USPL1: variants seen among roughly 807,000 people sequenced by gnomAD.
The protein encoded by USPL1 is SUMO-specific isopeptidase USPL1.
A neutral mutation model predicts 51.5 loss-of-function variants in USPL1; 27 were observed. The observed-to-expected ratio is 0.52, with a 90% CI of 0.39 to 0.72. The LOEUF (loss-of-function observed/expected upper bound fraction) is 0.72. USPL1 is among the 30% of genes least tolerant of loss of function. The pLI is 0.00. For synonymous variants in USPL1, 451 were observed against 459.6 expected (o/e 0.98, Z 0.24); for missense variants, 1,226 against 1,268.0 (o/e 0.97, Z 0.50).
chr13:30,651,436 T>A (rs1360050824), intron 7 of USPL1, among the ~76,000 whole-genome samples: 2 of 152,190 alleles, frequency 1.3e-5, no homozygotes, highest in African/African-American at 4.8e-5. Context: ...TTTTATTAAT[T>A]TGCAAAAGAA....
intron 7 of USPL1, among the ~76,000 whole-genome samples, chr13:30,650,963 T>C (rs1951083288): frequency 6.7e-6 from 1 of 149,516 alleles, no homozygotes; most frequent in African/African-American, 2.5e-5. Context: ...CACTCCAACT[T>C]GGACAACAGA....
At chr13:30,642,834 A>T (rs889367327) in intron 6 of USPL1, 77 bp downstream of exon 6, 2 of 1,518,080 alleles carry the variant, frequency 1.3e-6, no homozygotes, top group African/African-American at 2.8e-5. Flanking sequence ...TTTGAGCACC[A>T]GACACTACAG....
chr13:30,651,637 G>C (rs989693481), intron 7 of USPL1, among the ~76,000 whole-genome samples: 1 of 152,190 alleles, frequency 6.6e-6, no homozygotes, highest in Non-Finnish European at 1.5e-5. Flanking sequence ...ATCTTGAAAG[G>C]TATTATATAA....
Position 30,660,470 on chromosome 13 carries a change from G to A in USPL1, c.*1114G>A, listed in dbSNP as rs1951244806. 1 of 152,236 alleles carries A rather than the reference G, an allele frequency of 6.6e-6. No individual in the cohort carries two copies. The highest frequency in any genetic ancestry group is 2.4e-5 in the African/African-American group (1 of 41,452). 9.4% of individuals were successfully genotyped at this position (152,236 alleles called of 1,614,324 possible). On this transcript the variant is annotated 3_prime_UTR_variant, in exon 9 of 9. Transcript: ENST00000255304. ...AGATCTTGCCTGCTCCAAGGCTGCA[G>A]CCGGAATGATAGCAGGCTGACTGGA... is the stretch of plus-strand genomic sequence containing the variant.
chr13:30,658,459 T>G lies in USPL1; in HGVS notation c.2382T>G (p.Asn794Lys). The G allele has an allele frequency of 6.2e-7, 1 of 1,613,760 alleles. No individual in the cohort carries two copies. Among genetic ancestry groups the G allele is most frequent in the Non-Finnish European group, 8.5e-7 (1 of 1,180,024 alleles). The change falls in exon 9 of 9, where the codon AAT (asparagine) becomes AAG (lysine). Residue 794 changes from asparagine to lysine, a missense_variant. By Grantham distance (94) the Asn-to-Lys change is moderately conservative. Coordinates refer to ENST00000255304, the MANE Select transcript of USPL1 (RefSeq NM_005800.5). ...TDLQPSVKGV[N>K]NFGGFKTKGI... ...TACAACCTTCAGTTAAAGGGGTAAA[T>G]AATTTTGGTGGCTTTAAAACTAAAG...
chr13:30,620,844 T>A (rs2137597548), intron 1 of USPL1, among the ~76,000 whole-genome samples: 1 of 152,330 alleles, frequency 6.6e-6, no homozygotes, highest in East Asian at 1.9e-4. Context: ...CAAATGAGTC[T>A]GCTATGAAAA....
chr13:30,636,609 GATA>G (rs1182813375), intron 4 of USPL1, among the ~76,000 whole-genome samples: 1 of 152,106 alleles, frequency 6.6e-6, no homozygotes, highest in African/African-American at 2.4e-5. Flanking sequence ...CCATTTTGAA[GATA>G]ATAAATATTA....
chr13:30,646,332 CAATT>C (rs1468684086), intron 6 of USPL1, among the ~76,000 whole-genome samples: 6 of 151,090 alleles, frequency 4.0e-5, no homozygotes, highest in South Asian at 2.1e-4. Flanking sequence ...AATTTGTTCA[CAATT>C]AATGCTGTGT....
At chr13:30,640,267 A>G (rs906182695) in intron 5 of USPL1, among the ~76,000 whole-genome samples, 2 of 152,220 alleles carry the variant, frequency 1.3e-5, no homozygotes, top group African/African-American at 4.8e-5. Flanking sequence ...TTACAATAGA[A>G]TACGGATTTA....
intron 5 of USPL1, among the ~76,000 whole-genome samples, chr13:30,641,947 C>T (rs1466981224): frequency 3.3e-5 from 5 of 151,756 alleles, no homozygotes; most frequent in African/African-American, 1.2e-4. Context: ...CGCTCTGTCA[C>T]CCAGGCTGGT....
chr13:30,625,437 G>GTTTTTTTTTTTT (rs200928956), intron 3 of USPL1, among the ~76,000 whole-genome samples: 1 of 135,894 alleles, frequency 7.4e-6, no homozygotes, highest in African/African-American at 2.8e-5. Flanking sequence ...TTGGTTTTTT[G>GTTTTTTTTTTTT]TTTTTTGTTT....
rs1392307315 is a variant in USPL1 at position 30,631,563 on chromosome 13, T to C, written c.868+89T>C. 20 of 1,298,586 alleles carry C rather than the reference T, an allele frequency of 1.5e-5. No individual in the cohort carries two copies. In the East Asian group the frequency reaches 4.8e-4, roughly 31 times the overall value. 80.4% of individuals were successfully genotyped at this position (1,298,586 alleles called of 1,614,324 possible). A position where few individuals can be genotyped will look rare whatever the true frequency, so the allele number is the denominator to read the frequency against. ...TCACCCAGGCTGGAGTGCAGTGGCA[T>C]GATCATGTCTCCTTGCAGCCTTGAC... On this transcript the variant is annotated intron_variant, in intron 4 of 8. Coordinates refer to ENST00000255304, the MANE Select transcript of USPL1 (RefSeq NM_005800.5).
chr13:30,628,364 C>A (rs1199766077), intron 3 of USPL1, among the ~76,000 whole-genome samples: 3 of 151,928 alleles, frequency 2.0e-5, no homozygotes. Context: ...TTTTTTAAGT[C>A]TTAATCTCCA....
rs116618800 is a variant in USPL1 at position 30,619,615 on chromosome 13, A to C, written c.-68-1458A>C. Among the ~76,000 whole-genome samples, 278 of 152,320 alleles carry C rather than the reference A, an allele frequency of 1.8e-3. 1 individual carries two copies. The highest frequency in any genetic ancestry group is 5.7e-3 in the African/African-American group (238 of 41,556). On this transcript the variant is annotated intron_variant, in intron 1 of 8. Transcript: ENST00000255304. ...CAGAATGAAGTATAAAATTAGCACC[A>C]AATAGTAACTTTAATTTGTCAGGTG...
At chr13:30,623,796 T>C (rs1202113788) in intron 3 of USPL1, among the ~76,000 whole-genome samples, 1 of 152,142 alleles carries the variant, frequency 6.6e-6, no homozygotes, top group African/African-American at 2.4e-5. Context: ...TATAAAAATA[T>C]CAAGATTTGG....
Position 30,653,164 on chromosome 13 carries a change from A to C in USPL1, c.1255A>C (p.Met419Leu). 1.2e-6 allele frequency: 2 copies of C among 1,603,088 alleles called. No homozygotes were observed. Among genetic ancestry groups the C allele is most frequent in the Non-Finnish European group, 1.7e-6 (2 of 1,173,544 alleles). ...CTCCCACAGAGTATCTCCCATATTC[A>C]TGTTGCACTTTGTAGAAGGCTTACC... is the stretch of plus-strand genomic sequence containing the variant. ...MVLEKVSPIF[M>L]LHFVEGLPQN... The change falls in exon 8 of 9, where the codon ATG (methionine) becomes CTG (leucine). Residue 419 changes from methionine (M) to leucine (L), a missense_variant. By Grantham distance (15) the Met-to-Leu change is conservative (BLOSUM62 2). Transcript: ENST00000255304.
intron 8 of USPL1, among the ~76,000 whole-genome samples, chr13:30,656,368 C>T (rs537443915): frequency 1.3e-5 from 2 of 152,302 alleles, no homozygotes; most frequent in South Asian, 4.1e-4. Flanking sequence ...ACTCCGCATC[C>T]TTCCACCCCA....
At chr13:30,654,353 C>T (rs185801171) in intron 8 of USPL1, among the ~76,000 whole-genome samples, 18 of 152,026 alleles carry the variant, frequency 1.2e-4, no homozygotes, top group Non-Finnish European at 2.4e-4. Context: ...CATTCTCTCT[C>T]TCTCTCTCTT....
Position 30,658,309 on chromosome 13 carries a change from T to A in USPL1, c.2232T>A (p.Asn744Lys). Residue 744 changes from asparagine (N) to lysine (K), a missense_variant, in exon 9 of 9, where the codon AAT becomes AAA. Asn to Lys is a moderately conservative substitution (Grantham distance 94, BLOSUM62 0). Transcript: ENST00000255304. Reference sequence around the variant, plus strand: ...CCACAACATCTAAGTCATTACAGAATCAGTCTCTGAAAGAAAATCAGAAGA... The same window carrying A: ...CCACAACATCTAAGTCATTACAGAAACAGTCTCTGAAAGAAAATCAGAAGA... Reference protein sequence around the residue: ...SQTTTSKSLQNQSLKENQKKP... With the variant: ...SQTTTSKSLQKQSLKENQKKP... 6.2e-7 allele frequency: 1 copy of A among 1,614,010 alleles called. No individual in the cohort carries two copies. The highest frequency in any genetic ancestry group is 8.5e-7 in the Non-Finnish European group (1 of 1,180,026).
Sources: gnomAD v4.1 joint callset for allele counts (sites outside exome capture counted in the v4.1 genomes callset) on GRCh38, gnomAD v4.1.1 for gene constraint, MANE v1.5 for transcripts, NCBI Gene and HGNC (gene_info 2026-07-23, HGNC 2026-07-21) for gene names.